SYNM: variants seen among roughly 807,000 people sequenced by gnomAD.
The protein encoded by SYNM is desmuslin.
In SYNM, 95 loss-of-function variants were observed where a neutral mutation model predicts 104.0. The observed-to-expected ratio is 0.91, with a 90% CI of 0.77 to 1.08. The LOEUF (loss-of-function observed/expected upper bound fraction) is 1.08, where lower values mean the gene tolerates loss of function less well. Ranked by LOEUF, SYNM falls within the 50% of genes least tolerant of loss-of-function variation. SYNM has a pLI of 0.00. For missense variants in SYNM, 2,150 were observed against 2,052.2 expected (o/e 1.05, Z -0.92); for synonymous variants, 918 against 869.0 (o/e 1.06, Z -0.99).
At chr15:99,113,003 G>A (rs1055100371) in intron 1 of SYNM, among the ~76,000 whole-genome samples, 4 of 152,154 alleles carry the variant, frequency 2.6e-5, no homozygotes, top group Admixed American at 2.0e-4. Flanking sequence ...GAGCCACCAC[G>A]CTAGGCCCAA....
rs1555484454 is a variant in SYNM, at chr15:99,120,824, G to A, written c.936-5898G>A. 2.0e-5 allele frequency among the ~76,000 whole-genome samples: 3 copies of A among 152,202 alleles called. No individual in the cohort carries two copies. In the South Asian group the frequency reaches 6.2e-4, roughly 31 times the overall value. On this transcript the variant is annotated intron_variant, in intron 2 of 3. Transcript: ENST00000336292. ...ACGGGGAAGTGTGAGCAGACACAGA[G>A]GAGAGAGGGAGAGGGACTATAGGGG...
chr15:99,128,171 ATAGT>A (rs1713997299), intron 3 of SYNM, among the ~76,000 whole-genome samples: 1 of 152,208 alleles, frequency 6.6e-6, no homozygotes, highest in African/African-American at 2.4e-5. Context: ...GAGCTTCTAG[ATAGT>A]TCTGTTCTGT....
intron 1 of SYNM, among the ~76,000 whole-genome samples, 161 bp downstream of exon 1, chr15:99,106,170 CG>C (rs1386977352): frequency 6.6e-6 from 1 of 152,186 alleles, no homozygotes; most frequent in Non-Finnish European, 1.5e-5. Context: ...GACCCGGACT[CG>C]GTCCGCTGGT....
rs373024133 is a variant in SYNM at position 99,129,111 on chromosome 15, A to G, written c.1007-256A>G. Reference sequence around the variant, plus strand: ...TTTATGATTAATGTTAAGATGAGTGAGTATTTTAATATCAGTAACTGGAGA... The same window carrying G: ...TTTATGATTAATGTTAAGATGAGTGGGTATTTTAATATCAGTAACTGGAGA... On this transcript the variant is annotated intron_variant, in intron 3 of 3. Transcript: ENST00000336292. The G allele has an allele frequency of 1.4e-4, 68 of 497,482 alleles. 1 individual carries two copies. In the East Asian group the frequency reaches 1.7e-3, roughly 12 times the overall value. 30.8% of individuals were successfully genotyped at this position (497,482 alleles called of 1,614,324 possible).
chr15:99,117,672 CT>C, intron 2 of SYNM, among the ~76,000 whole-genome samples: 1 of 152,348 alleles, frequency 6.6e-6, no homozygotes, highest in Non-Finnish European at 1.5e-5. Flanking sequence ...GTCCTGCCCC[CT>C]GTTCTCCATC....
Position 99,135,436 on chromosome 15 carries a change from G to A in SYNM, c.*2378G>A, listed in dbSNP as rs140827594. The stretch of plus-strand genomic sequence containing the variant: ...ACTGAGACAAAACAGTACTCACTGA[G>A]TGTTTTTCAGTTTCCTACTGGTGGT... On this transcript the variant is annotated 3_prime_UTR_variant, in exon 4 of 4. Coordinates refer to ENST00000336292, the MANE Select transcript of SYNM (RefSeq NM_145728.3). 8.4e-4 allele frequency: 128 copies of A among 152,714 alleles called. No homozygotes were observed. Among genetic ancestry groups the A allele is most frequent in the African/African-American group, 2.9e-3 (119 of 41,550 alleles). 9.5% of individuals were successfully genotyped at this position (152,714 alleles called of 1,614,324 possible).
Position 99,133,113 on chromosome 15 carries a change from A to G in SYNM, c.*55A>G. Reference sequence around the variant, plus strand: ...CCTGTTGGCGACGTGCCAACATCCAAAGGCCTTAACTTATTTTAAGAGGCC... The same window carrying G: ...CCTGTTGGCGACGTGCCAACATCCAGAGGCCTTAACTTATTTTAAGAGGCC... On this transcript the variant is annotated 3_prime_UTR_variant, in exon 4 of 4. Transcript: ENST00000336292. The G allele has an allele frequency of 6.3e-7, 1 of 1,594,806 alleles. No homozygotes were observed. The highest frequency in any genetic ancestry group is 8.5e-7 in the Non-Finnish European group (1 of 1,176,252).
At chr15:99,114,920 C>T (rs1234857697) in intron 2 of SYNM, among the ~76,000 whole-genome samples, 2 of 152,172 alleles carry the variant, frequency 1.3e-5, no homozygotes, top group Non-Finnish European at 2.9e-5. Flanking sequence ...CCCAGTTGCC[C>T]AACTTCAGGA....
At chr15:99,111,181 G>A (rs1735537941) in intron 1 of SYNM, among the ~76,000 whole-genome samples, 1 of 152,124 alleles carries the variant, frequency 6.6e-6, no homozygotes, top group African/African-American at 2.4e-5. Context: ...CACGTGACTA[G>A]GCTTTCTTGA....
At chr15:99,138,140 A>C, downstream of SYNM, 1 of 1,611,894 alleles carries the variant, frequency 6.2e-7, no homozygotes, top group South Asian at 1.1e-5. Flanking sequence ...GCAGACAAGC[A>C]GAGGGTGGGG....
Position 99,118,627 on chromosome 15 carries a change from A to T in SYNM, c.935+4912A>T, listed in dbSNP as rs79278678. Among the ~76,000 whole-genome samples, 1,105 of 152,032 alleles carry T rather than the reference A, an allele frequency of 7.3e-3. 6 individuals are homozygous for T. The highest frequency in any genetic ancestry group is 0.012 in the Non-Finnish European group (807 of 68,036). ...CTGTCACAGGGAAGGAGCAACATTAAAGTAATCATAAAATAATATAATTGT... is the reference window on the plus strand; with the variant it reads ...CTGTCACAGGGAAGGAGCAACATTATAGTAATCATAAAATAATATAATTGT... On this transcript the variant is annotated intron_variant, in intron 2 of 3. Transcript: ENST00000336292.
chr15:99,137,611 G>A (rs1555487713), downstream of SYNM: 1 of 166,820 alleles, frequency 6.0e-6, no homozygotes, highest in Non-Finnish European at 1.3e-5. Context: ...TATAAGAAAG[G>A]ACTTCCTGAA....
chr15:99,139,734 C>T, downstream of SYNM: 1 of 1,342,046 alleles, frequency 7.5e-7, no homozygotes, highest in Non-Finnish European at 9.9e-7. Context: ...AAATGTGGCC[C>T]TTGTTATAGC....
rs2067533528 is a variant in SYNM, at chr15:99,133,359, G to A, written c.*301G>A. The stretch of plus-strand genomic sequence containing the variant: ...TTTCTATGTTTTGCACCTGGTCACA[G>A]ACATGGCTTGCATCTGTTTGAAACT... On this transcript the variant is annotated 3_prime_UTR_variant, in exon 4 of 4. Coordinates refer to ENST00000336292, the MANE Select transcript of SYNM (RefSeq NM_145728.3). 3 of 366,588 alleles carry A rather than the reference G, an allele frequency of 8.2e-6. No individual in the cohort carries two copies. Among genetic ancestry groups the A allele is most frequent in the Non-Finnish European group, 1.5e-5 (3 of 202,612 alleles). The allele number at this position is 366,588 out of a possible 1,614,324, so 22.7% of individuals were successfully genotyped here.
the SYNM span, among the ~76,000 whole-genome samples, chr15:99,141,204 G>T: frequency 6.6e-6 from 1 of 151,718 alleles, no homozygotes; most frequent in African/African-American, 2.4e-5. Flanking sequence ...ACTGTGATAT[G>T]TATATATTAT....
intron 2 of SYNM, among the ~76,000 whole-genome samples, chr15:99,123,915 GGAC>G (rs2067424499): frequency 6.6e-6 from 1 of 152,258 alleles, no homozygotes; most frequent in South Asian, 2.1e-4. Context: ...AGCCTGCTCA[GGAC>G]GCCGGGTGGC....
chr15:99,116,731 G>C lies in SYNM; in HGVS notation c.935+3016G>C, dbSNP rs532620733. Among the ~76,000 whole-genome samples the C allele has an allele frequency of 4.1e-4, 59 of 142,696 alleles. 8 individuals carry two copies. The highest frequency in any genetic ancestry group is 1.4e-3 in the African/African-American group (57 of 40,152). 93.6% of individuals were successfully genotyped at this position (142,696 alleles called of 152,430 possible). On this transcript the variant is annotated intron_variant, in intron 2 of 3. Coordinates refer to ENST00000336292, the MANE Select transcript of SYNM (RefSeq NM_145728.3). ...CACCCAGGCTGGAGTGTGGTGGTGCGATCTTGGCTCACTGCAACCTCTACC... is the reference window on the plus strand; with the variant it reads ...CACCCAGGCTGGAGTGTGGTGGTGCCATCTTGGCTCACTGCAACCTCTACC...
chr15:99,108,043 C>A (rs111881700), intron 1 of SYNM, among the ~76,000 whole-genome samples: 8,213 of 151,006 alleles, frequency 0.054, 297 homozygotes, highest in Admixed American at 0.1. Context: ...TGGCTGATCT[C>A]GGCACACCGC....
rs2067475512 is a variant in SYNM, at chr15:99,129,380, A to C, written c.1020A>C (p.Lys340Asn). The change falls in exon 4 of 4, where the codon AAA becomes AAC. Residue 340 changes from lysine to asparagine, a missense_variant. Coordinates refer to ENST00000336292, the MANE Select transcript of SYNM (RefSeq NM_145728.3). ...CAATTTCTACAGAATTCAGAAACAA[A>C]TCCTATCACTATACCGACTCACTAC... ...VENMPSEFRN[K>N]SYHYTDSLLQ... The C allele has an allele frequency of 6.2e-7, 1 of 1,611,372 alleles. No homozygotes were observed. The highest frequency in any genetic ancestry group is 1.3e-5 in the African/African-American group (1 of 74,888).
Sources: gnomAD v4.1 joint callset for allele counts (sites outside exome capture counted in the v4.1 genomes callset) on GRCh38, gnomAD v4.1.1 for gene constraint, MANE v1.5 for transcripts, NCBI Gene and HGNC (gene_info 2026-07-23, HGNC 2026-07-21) for gene names.